SDK2: variants seen among roughly 807,000 people sequenced by gnomAD.
SDK2 encodes the protein sidekick cell adhesion molecule 2, also known as protein sidekick-2.
In SDK2, 105 loss-of-function variants were observed where a neutral mutation model predicts 253.9. That is an observed-to-expected ratio of 0.41 (90% CI 0.35 to 0.49). SDK2 has a LOEUF of 0.49. SDK2 is among the 20% of genes least tolerant of loss of function. The probability of loss-of-function intolerance (pLI) is 0.06; values close to 1 mark genes in which losing one functional copy is unlikely to be tolerated. For missense variants in SDK2, 2,608 were observed against 3,003.0 expected (o/e 0.87, Z 3.07); for synonymous variants, 1,249 against 1,234.9 (o/e 1.01, Z -0.24).
intron 2 of SDK2, among the ~76,000 whole-genome samples, chr17:73,501,258 A>ACACACG (rs2063889048): frequency 6.6e-6 from 1 of 151,732 alleles, no homozygotes; most frequent in African/African-American, 2.4e-5. Flanking sequence ...ACACACACAC[A>ACACACG]CATATTTTAG....
intron 37 of SDK2, among the ~76,000 whole-genome samples, chr17:73,368,044 G>C (rs1312612057): frequency 6.6e-6 from 1 of 152,172 alleles, no homozygotes; most frequent in African/African-American, 2.4e-5. Flanking sequence ...CTCAGTATTT[G>C]TGGAATGAAC....
At position 73,386,506 on chromosome 17, in the gene SDK2, G is replaced by A; in HGVS notation, c.4437C>T (p.Thr1479=). ...FTSYKFRVKA[T]NDIGDSEFSE... ...TGAACTCGCTGTCGCCAATGTCATT[G>A]GTCGCCTTCACTCGGAACTTGTAGG... is the stretch of plus-strand genomic sequence containing the variant. Residue 1479 remains threonine, a synonymous_variant, in exon 31 of 45, where the codon ACC becomes ACT. Coordinates refer to ENST00000392650, the MANE Select transcript of SDK2 (RefSeq NM_001144952.2). 6.4e-7 allele frequency: 1 copy of A among 1,562,006 alleles called. No homozygotes were observed. The highest frequency in any genetic ancestry group is 1.2e-5 in the South Asian group (1 of 84,586).
At chr17:73,501,041 G>T (rs2063887034) in intron 2 of SDK2, among the ~76,000 whole-genome samples, 1 of 152,208 alleles carries the variant, frequency 6.6e-6, no homozygotes, top group Admixed American at 6.5e-5. Context: ...CTGGGAGATG[G>T]CTCCTGGAGA....
chr17:73,558,687 ATGGAG>A (rs1042509936), intron 1 of SDK2, among the ~76,000 whole-genome samples: 2 of 152,160 alleles, frequency 1.3e-5, no homozygotes, highest in Non-Finnish European at 2.9e-5. Flanking sequence ...GCCCAATGAG[ATGGAG>A]TGCCTTTCCC....
intron 29 of SDK2, among the ~76,000 whole-genome samples, chr17:73,388,967 CTCCCT>C (rs1486635486): frequency 0.41 from 248 of 608 alleles, 3 homozygotes; most frequent in East Asian, 0.51. Flanking sequence ...CTCCCCTCTC[CTCCCT>C]TCCCTTCCCC....
rs972969551 is a variant in SDK2, at chr17:73,641,927, G to T, written c.64+2098C>A. ...ATCCTTTGCAAGGCTTGCCTCCAGG[G>T]ACACACACAGCAGGAGAGGGCTCGA... On this transcript the variant is annotated intron_variant, in intron 1 of 44. Transcript: ENST00000392650. 2.0e-5 allele frequency among the ~76,000 whole-genome samples: 3 copies of T among 152,100 alleles called. No individual in the cohort carries two copies. The East Asian group carries it at 5.8e-4, about 29-fold the overall frequency.
intron 44 of SDK2, among the ~76,000 whole-genome samples, chr17:73,348,345 G>T (rs1435871045): frequency 6.6e-6 from 1 of 152,232 alleles, no homozygotes; most frequent in Admixed American, 6.5e-5. Context: ...ACCCCTGAAC[G>T]TAGAGAGGGC....
chr17:73,487,011 G>A (rs1248047008), intron 2 of SDK2, among the ~76,000 whole-genome samples: 2 of 152,138 alleles, frequency 1.3e-5, no homozygotes, highest in Admixed American at 1.3e-4. Flanking sequence ...TCGGCTCACT[G>A]CAACCTCTGC....
At chr17:73,439,385 T>C (rs1415813698) in intron 6 of SDK2, among the ~76,000 whole-genome samples, 4 of 152,120 alleles carry the variant, frequency 2.6e-5, no homozygotes, top group East Asian at 1.9e-4. Context: ...AAACTTGGGA[T>C]GGGAGGAGCA....
chr17:73,390,086 T>C (rs377755063), intron 29 of SDK2, among the ~76,000 whole-genome samples: 6 of 152,306 alleles, frequency 3.9e-5, no homozygotes, highest in African/African-American at 1.2e-4. Flanking sequence ...CAGAGTAGGG[T>C]CCTTGGGTGT....
chr17:73,353,331 T>C (rs1365623549), intron 40 of SDK2, among the ~76,000 whole-genome samples: 1 of 152,220 alleles, frequency 6.6e-6, no homozygotes, highest in African/African-American at 2.4e-5. Flanking sequence ...CATTATCATA[T>C]GGGAATACCC....
Position 73,338,725 on chromosome 17 carries a change from A to G in SDK2, c.6381T>C (p.Phe2127=), listed in dbSNP as rs748358187. 2 of 1,612,704 alleles carry G rather than the reference A, an allele frequency of 1.2e-6. No individual in the cohort carries two copies. Among genetic ancestry groups the G allele is most frequent in the Admixed American group, 3.3e-5 (2 of 59,772 alleles). The change falls in exon 45 of 45, where the codon TTT becomes TTC. Residue 2127 remains phenylalanine, a synonymous_variant. Coordinates refer to ENST00000392650, the MANE Select transcript of SDK2 (RefSeq NM_001144952.2). The surrounding 1 kb of genome is among the most constrained non-coding windows in gnomAD (Gnocchi z 5.0). ...NSTSTQQGSL[F]RPKASRTPTP... is the part of the protein sequence containing the mutation. The stretch of plus-strand genomic sequence containing the variant: ...TTGGAGTCCGACTGGCCTTGGGCCG[A>G]AAGAGGCTGCCCTGCTGGGTGCTGG...
chr17:73,624,300 C>T (rs1315301688), intron 1 of SDK2, among the ~76,000 whole-genome samples: 1 of 152,212 alleles, frequency 6.6e-6, no homozygotes, highest in Non-Finnish European at 1.5e-5. Flanking sequence ...TCGAGACCAG[C>T]CTGGGAAACA....
rs114493338 is a variant in SDK2, at chr17:73,350,925, C to T, written c.5759-135G>A. 1.2e-3 allele frequency: 1,046 copies of T among 886,030 alleles called. 11 individuals are homozygous for T. The African/African-American group carries it at 0.016, about 13-fold the overall frequency. 54.9% of individuals were successfully genotyped at this position (886,030 alleles called of 1,614,324 possible). On this transcript the variant is annotated intron_variant, in intron 41 of 44. Coordinates refer to ENST00000392650, the MANE Select transcript of SDK2 (RefSeq NM_001144952.2). Reference sequence around the variant, plus strand: ...CTGTACCCTCCGAATGAGGCAGAACCTCTGTAAGGACAGTTTCACCTCAAG... The same window carrying T: ...CTGTACCCTCCGAATGAGGCAGAACTTCTGTAAGGACAGTTTCACCTCAAG...
chr17:73,338,631 G>C lies in SDK2; in HGVS notation c.6475C>G (p.Pro2159Ala). The change falls in exon 45 of 45, where the codon CCA (proline) becomes GCA (alanine). Residue 2159 changes from proline (P) to alanine (A), a missense_variant. Physicochemically the swap from Pro to Ala is conservative, Grantham distance 27. This residue lies in a region of SDK2 where 1,103 missense variants were observed against 1,143.9 expected (regional missense o/e 0.96). Coordinates refer to ENST00000392650, the MANE Select transcript of SDK2 (RefSeq NM_001144952.2). This position sits in a 1 kb window ranked among gnomAD's most constrained non-coding sequence, Gnocchi z 5.0. Reference sequence around the variant, plus strand: ...CCTGCTATGGGAGCCCGGGAGCCTGGGGCCAGGCTGCTGGGGGGACGGTAG... The same window carrying C: ...CCTGCTATGGGAGCCCGGGAGCCTGCGGCCAGGCTGCTGGGGGGACGGTAG... ...TLYRPPSSLA[P>A]GSRAPIAGFS... 1 of 1,534,448 alleles carries C rather than the reference G, an allele frequency of 6.5e-7. No individual in the cohort carries two copies. The highest frequency in any genetic ancestry group is 8.7e-7 in the Non-Finnish European group (1 of 1,145,588).
chr17:73,349,056 G>A (rs2062511017), intron 43 of SDK2, among the ~76,000 whole-genome samples: 1 of 152,332 alleles, frequency 6.6e-6, no homozygotes, highest in East Asian at 1.9e-4. Flanking sequence ...GTGGCTTTGG[G>A]GGCACACAGG....
At chr17:73,554,665 G>A (rs924794563) in intron 1 of SDK2, among the ~76,000 whole-genome samples, 3 of 152,222 alleles carry the variant, frequency 2.0e-5, no homozygotes, top group Non-Finnish European at 2.9e-5. Flanking sequence ...TACAGCAACT[G>A]TAGGAAACTA....
At chr17:73,374,610 A>C (rs776890515) in intron 36 of SDK2, among the ~76,000 whole-genome samples, 1 of 143,436 alleles carries the variant, frequency 7.0e-6, no homozygotes, top group Non-Finnish European at 1.5e-5. Context: ...TGGAATTACA[A>C]GCATGCGCTA....
At chr17:73,580,667 ATG>A in intron 1 of SDK2, among the ~76,000 whole-genome samples, 1 of 152,266 alleles carries the variant, frequency 6.6e-6, no homozygotes, top group Non-Finnish European at 1.5e-5. Context: ...AATGGCACAT[ATG>A]TGTAAGCGGA....
Sources: allele counts gnomAD v4.1 joint callset (sites outside exome capture counted in the v4.1 genomes callset), GRCh38; gene constraint gnomAD v4.1.1; regional missense constraint gnomAD v4.1.1; non-coding constraint Gnocchi (gnomAD v3.1); transcripts MANE v1.5; gene names NCBI Gene and HGNC (gene_info 2026-07-23, HGNC 2026-07-21).